The following ATXN10 variants were observed in gnomAD, a reference collection of about 807,000 sequenced individuals.
ATXN10 encodes the protein ataxin-10.
Under a neutral mutation model 52.9 loss-of-function variants are expected in ATXN10, and 28 were observed. That is an observed-to-expected ratio of 0.53 (90% confidence interval 0.39 to 0.73). The LOEUF is 0.73. Among genes scored for constraint, ATXN10 ranks in the 30% least tolerant of loss-of-function variants. The pLI, the probability that ATXN10 is intolerant of heterozygous loss-of-function variation, is 0.00. For missense variants in ATXN10, 565 were observed against 577.0 expected, an observed-to-expected ratio of 0.98 and a Z score of 0.21; for synonymous variants, 226 against 221.5, an observed-to-expected ratio of 1.02 and a Z score of -0.18.
At chr22:45,788,092 T>G (rs1927380473) in intron 9 of ATXN10, among the ~76,000 whole-genome samples, 1 of 152,178 alleles carries the variant, frequency 6.6e-6, no homozygotes, top group South Asian at 2.1e-4. Flanking sequence ...TTAGGAGATT[T>G]CCAGTGCCCA....
At chr22:45,751,763 A>AAAAAAAAAATAAT in intron 9 of ATXN10, among the ~76,000 whole-genome samples, 11 of 66,626 alleles carry the variant, frequency 1.7e-4, no homozygotes, top group Non-Finnish European at 2.9e-4. Flanking sequence ...AATAAAAAAA[A>AAAAAAAAAATAAT]AATAATAATA....
At chr22:45,706,469 A>G (rs1477788682) in intron 5 of ATXN10, among the ~76,000 whole-genome samples, 2 of 151,870 alleles carry the variant, frequency 1.3e-5, no homozygotes, top group Non-Finnish European at 2.9e-5. Context: ...TTCTTTTTCT[A>G]GTTTCTCAAG....
intron 6 of ATXN10, among the ~76,000 whole-genome samples, chr22:45,725,520 C>A (rs1279704035): frequency 1.3e-5 from 2 of 151,548 alleles, no homozygotes; most frequent in East Asian, 3.9e-4. Context: ...ATTTTGTTAC[C>A]TGAGACTTTA....
rs781133315 is a variant in ATXN10, at chr22:45,690,279, GAAA to G, written c.308+391_308+393del. On this transcript the variant is annotated intron_variant, in intron 2 of 11. Coordinates refer to ENST00000252934, the MANE Select transcript of ATXN10 (RefSeq NM_013236.4). The surrounding 1 kb of genome is among the most constrained non-coding windows in gnomAD (Gnocchi z 4.5). ...CCACATTGTGAGACCCTGTCTCAGG[GAAA>G]AAAAAAAAAAAAAAGTTGTTCTGGC... is the stretch of plus-strand genomic sequence containing the variant. 7.7e-6 allele frequency among the ~76,000 whole-genome samples: 1 copy of G among 130,116 alleles called. No homozygotes were observed. Among genetic ancestry groups the G allele is most frequent in the Non-Finnish European group, 1.7e-5 (1 of 59,978 alleles). 85.4% of individuals were successfully genotyped at this position (130,116 alleles called of 152,430 possible). A position where few individuals can be genotyped will look rare whatever the true frequency, so the allele number is the denominator to read the frequency against.
At chr22:45,752,877 G>T (rs1240711985) in intron 9 of ATXN10, among the ~76,000 whole-genome samples, 3 of 151,990 alleles carry the variant, frequency 2.0e-5, no homozygotes, top group Non-Finnish European at 2.9e-5. Context: ...GGGATTACAG[G>T]CATGCGCCAC....
In ATXN10 at chr22:45,783,475, C is replaced by G. The variant is rs890744265; in HGVS notation, c.1174-23484C>G. Among the ~76,000 whole-genome samples the G allele has an allele frequency of 6.6e-6, 1 of 152,198 alleles. No individual in the cohort carries two copies. Among genetic ancestry groups the G allele is most frequent in the Admixed American group, 6.5e-5 (1 of 15,282 alleles). On this transcript the variant is annotated intron_variant, in intron 9 of 11. Transcript: ENST00000252934. This position sits in a 1 kb window ranked among gnomAD's most constrained non-coding sequence, Gnocchi z 5.0. Reference sequence around the variant, plus strand: ...TAAATTCTTTCTGTTGCTTTCAGGACAAAGTTAAAACTGGTAAGCTTGGCC... The same window carrying G: ...TAAATTCTTTCTGTTGCTTTCAGGAGAAAGTTAAAACTGGTAAGCTTGGCC...
chr22:45,674,872 C>T lies in ATXN10; in HGVS notation c.116+2693C>T, dbSNP rs1225605853. The stretch of plus-strand genomic sequence containing the variant: ...GGTGGTCCTTCTGAGCTCTTCCATG[C>T]TACAAAACAAACTTCTGTCAGTGGT... On this transcript the variant is annotated intron_variant, in intron 1 of 11. Coordinates refer to ENST00000252934, the MANE Select transcript of ATXN10 (RefSeq NM_013236.4). The T allele has an allele frequency of 1.1e-4, 17 of 152,310 alleles. No individual in the cohort carries two copies. In the South Asian group the frequency reaches 3.3e-3, roughly 30 times the overall value. The allele number at this position is 152,310 out of a possible 1,614,324, so 9.4% of individuals were successfully genotyped here.
intron 9 of ATXN10, among the ~76,000 whole-genome samples, chr22:45,785,987 A>C (rs958099327): frequency 6.6e-6 from 1 of 152,214 alleles, no homozygotes; most frequent in Non-Finnish European, 1.5e-5. Flanking sequence ...TTCATTCACC[A>C]AATTTTTTTT....
In ATXN10 at chr22:45,819,126, T is replaced by C. The variant is rs1247354747; in HGVS notation, c.1237+12104T>C. Among the ~76,000 whole-genome samples the C allele has an allele frequency of 6.6e-6, 1 of 152,144 alleles. No homozygotes were observed. Among genetic ancestry groups the C allele is most frequent in the African/African-American group, 2.4e-5 (1 of 41,414 alleles). On this transcript the variant is annotated intron_variant, in intron 10 of 11. Transcript: ENST00000252934. The surrounding 1 kb of genome is among the most constrained non-coding windows in gnomAD (Gnocchi z 4.5). ...TTTTCAAAATTGTTTACTCAAACAG[T>C]ACATTTAACAGAGTAGCCATCCTGC...
rs368043838 is a variant in ATXN10 at position 45,718,383 on chromosome 22, A to G, written c.648-30A>G. On this transcript the variant is annotated intron_variant, in intron 5 of 11. Transcript: ENST00000252934. This position sits in a 1 kb window ranked among gnomAD's most constrained non-coding sequence, Gnocchi z 4.4. ...ATGTCTCTTTTACTATGTTTCAAGTAACCAAACTTTCCTCCTCTTTTTTCC... is the reference window on the plus strand; with the variant it reads ...ATGTCTCTTTTACTATGTTTCAAGTGACCAAACTTTCCTCCTCTTTTTTCC... 39 of 1,559,468 alleles carry G rather than the reference A, an allele frequency of 2.5e-5. No homozygotes were observed. The highest frequency in any genetic ancestry group is 3.2e-5 in the Non-Finnish European group (36 of 1,130,296).
At chr22:45,836,910 G>A (rs1371023658) in intron 10 of ATXN10, among the ~76,000 whole-genome samples, 1 of 152,140 alleles carries the variant, frequency 6.6e-6, no homozygotes, top group African/African-American at 2.4e-5. Context: ...CAGGTTTGTA[G>A]AAGCCTGGGT....
intron 2 of ATXN10, among the ~76,000 whole-genome samples, chr22:45,691,749 T>C (rs377336361): frequency 2.9e-4 from 44 of 152,294 alleles, no homozygotes; most frequent in African/African-American, 1.0e-3. Context: ...AAAAATTAGC[T>C]GGGTGTGGTG....
At position 45,718,401 on chromosome 22, in the gene ATXN10, T is replaced by G. The variant is rs903948778; in HGVS notation, c.648-12T>G. On this transcript the variant is annotated splice_polypyrimidine_tract_variant and intron_variant, in intron 5 of 11. Coordinates refer to ENST00000252934, the MANE Select transcript of ATXN10 (RefSeq NM_013236.4). The surrounding 1 kb of genome is among the most constrained non-coding windows in gnomAD (Gnocchi z 4.4). ...TTCAAGTAACCAAACTTTCCTCCTC[T>G]TTTTTCCCTAGGTTCTTGATTATTA... The G allele has an allele frequency of 1.2e-6, 2 of 1,609,130 alleles. No individual in the cohort carries two copies. Among genetic ancestry groups the G allele is most frequent in the African/African-American group, 2.7e-5 (2 of 74,814 alleles).
chr22:45,680,932 A>T (rs2146726753), intron 1 of ATXN10, among the ~76,000 whole-genome samples: 1 of 152,282 alleles, frequency 6.6e-6, no homozygotes, highest in African/African-American at 2.4e-5. Context: ...AGGGTTCTTG[A>T]AAGTGGGAGG....
chr22:45,800,164 G>A (rs1927883848), intron 9 of ATXN10, among the ~76,000 whole-genome samples: 2 of 151,980 alleles, frequency 1.3e-5, no homozygotes, highest in South Asian at 2.1e-4. Flanking sequence ...TCTTTGAAAC[G>A]TATTATTAAA....
intron 9 of ATXN10, among the ~76,000 whole-genome samples, chr22:45,776,080 T>C (rs905975696): frequency 2.0e-5 from 3 of 152,190 alleles, no homozygotes; most frequent in African/African-American, 7.2e-5. Flanking sequence ...TTCTGAACTT[T>C]AGTTTTCATG....
intron 3 of ATXN10, 76 bp from the exon 4 acceptor site, chr22:45,700,206 G>A: frequency 9.4e-7 from 1 of 1,059,866 alleles, no homozygotes; most frequent in African/African-American, 1.6e-5. Flanking sequence ...ATAACATGGA[G>A]AATATTTCTT....
At chr22:45,806,585 C>G (rs925562654) in intron 9 of ATXN10, among the ~76,000 whole-genome samples, 4 of 152,142 alleles carry the variant, frequency 2.6e-5, no homozygotes, top group Non-Finnish European at 5.9e-5. Context: ...TTTTCCTATT[C>G]CCAGCTTAGA....
At chr22:45,800,236 G>A (rs1927886590) in intron 9 of ATXN10, among the ~76,000 whole-genome samples, 1 of 151,828 alleles carries the variant, frequency 6.6e-6, no homozygotes. Flanking sequence ...TCCGACACAG[G>A]ACTTACTCAT....
Sources: allele counts gnomAD v4.1 joint callset (sites outside exome capture counted in the v4.1 genomes callset), GRCh38; gene constraint gnomAD v4.1.1; non-coding constraint Gnocchi (gnomAD v3.1); transcripts MANE v1.5; gene names NCBI Gene and HGNC (gene_info 2026-07-23, HGNC 2026-07-21).